MANBA: variants seen among roughly 807,000 people sequenced by gnomAD.
MANBA encodes beta-mannosidase.
In MANBA, 83 loss-of-function variants were observed where a neutral mutation model predicts 111.1. The ratio of observed to expected loss-of-function variants is 0.75; its 90% CI spans 0.63 to 0.90. The LOEUF (loss-of-function observed/expected upper bound fraction) is 0.90. Ranked by LOEUF, MANBA falls within the 40% of genes least tolerant of loss-of-function variation. The pLI is 0.00. For missense variants in MANBA, 1,036 were observed against 1,069.0 expected (o/e 0.97, Z 0.43); for synonymous variants, 370 against 378.7 (o/e 0.98, Z 0.27).
intron 5 of MANBA, among the ~76,000 whole-genome samples, chr4:102,702,389 A>C (rs976817503): frequency 6.6e-6 from 1 of 152,080 alleles, no homozygotes; most frequent in Non-Finnish European, 1.5e-5. Flanking sequence ...GCTTTGTTCC[A>C]TTACTGGTGA....
chr4:102,731,159 G>A (rs1474286828), intron 1 of MANBA, among the ~76,000 whole-genome samples: 4 of 151,274 alleles, frequency 2.6e-5, no homozygotes, highest in Non-Finnish European at 5.9e-5. Flanking sequence ...CCCTTCTGCA[G>A]AAGTAAATTG....
At chr4:102,702,694 T>C (rs1175690911) in intron 5 of MANBA, among the ~76,000 whole-genome samples, 1 of 152,164 alleles carries the variant, frequency 6.6e-6, no homozygotes, top group South Asian at 2.1e-4. Flanking sequence ...TATACATATA[T>C]ATAAGTAAAT....
intron 1 of MANBA, among the ~76,000 whole-genome samples, chr4:102,735,921 C>T (rs1229309884): frequency 2.0e-5 from 3 of 152,198 alleles, no homozygotes; most frequent in African/African-American, 7.2e-5. Flanking sequence ...AGTATGTACA[C>T]TGAGGAAAGA....
chr4:102,670,593 C>A (rs931808338), intron 9 of MANBA, among the ~76,000 whole-genome samples: 1 of 152,172 alleles, frequency 6.6e-6, no homozygotes, highest in Non-Finnish European at 1.5e-5. Context: ...CCTGTAATCT[C>A]ACCACTTTGG....
At chr4:102,751,704 T>C in intron 1 of MANBA, 1 of 542,718 alleles carries the variant, frequency 1.8e-6, no homozygotes, top group Non-Finnish European at 3.8e-6. Context: ...CCATGATGAC[T>C]GGATCCTTTC....
chr4:102,740,934 G>A (rs562579031), intron 1 of MANBA, among the ~76,000 whole-genome samples: 43 of 151,928 alleles, frequency 2.8e-4, no homozygotes, highest in Middle Eastern at 3.4e-3. Context: ...CAACAAAAAC[G>A]AAGATAAATA....
At chr4:102,679,682 G>A (rs1253151351) in intron 7 of MANBA, 1 of 152,058 alleles carries the variant, frequency 6.6e-6, no homozygotes, top group Non-Finnish European at 1.5e-5. Flanking sequence ...AAAGGGTATA[G>A]CCAGCTCTTT....
chr4:102,679,389 G>T (rs1428820786), intron 7 of MANBA, among the ~76,000 whole-genome samples: 2 of 151,998 alleles, frequency 1.3e-5, no homozygotes, highest in African/African-American at 4.8e-5. Context: ...ATAATGTCCA[G>T]AAAAGAATGT....
At chr4:102,732,427 T>G (rs964534641) in intron 1 of MANBA, among the ~76,000 whole-genome samples, 15 of 152,240 alleles carry the variant, frequency 9.9e-5, no homozygotes, top group African/African-American at 3.6e-4. Flanking sequence ...TCTGTCTAAG[T>G]TCCACACAGG....
chr4:102,662,925 G>A (rs1327371920), intron 11 of MANBA: 2 of 152,406 alleles, frequency 1.3e-5, no homozygotes, highest in Non-Finnish European at 1.5e-5. Context: ...ACTCAAGAAG[G>A]AAACAAAGGA....
intron 14 of MANBA, among the ~76,000 whole-genome samples, chr4:102,637,371 G>A (rs1206073369): frequency 6.6e-6 from 1 of 152,162 alleles, no homozygotes; most frequent in African/African-American, 2.4e-5. Flanking sequence ...TAATCCGATT[G>A]TGGGTCATAA....
rs1221809606 is a variant in MANBA at position 102,631,761 on chromosome 4, T to G, written c.*296A>C. The G allele has an allele frequency of 1.7e-6, 1 of 579,166 alleles. No individual in the cohort carries two copies. The highest frequency in any genetic ancestry group is 2.8e-5 in the East Asian group (1 of 35,916). The allele number at this position is 579,166 out of a possible 1,614,324, so 35.9% of individuals were successfully genotyped here. ...ATTCTTGTAACCAGCTGCAGGGCCA[T>G]CTTGTTATAACTGGTTCATGTCCTG... On this transcript the variant is annotated 3_prime_UTR_variant, in exon 17 of 17. Transcript: ENST00000647097.
intron 1 of MANBA, among the ~76,000 whole-genome samples, chr4:102,745,373 G>A (rs1211289032): frequency 1.3e-5 from 2 of 152,180 alleles, no homozygotes; most frequent in Admixed American, 6.5e-5. Context: ...TGGAGTGACT[G>A]TTGTTCCCAC....
rs753018782 is a variant in MANBA at position 102,674,031 on chromosome 4, T to C, written c.1000A>G (p.Lys334Glu). The change falls in exon 8 of 17, where the codon AAA becomes GAA. Residue 334 changes from lysine (K) to glutamate (E), a missense_variant. By Grantham distance (56) the Lys-to-Glu change is moderately conservative. Coordinates refer to ENST00000647097, the MANE Select transcript of MANBA (RefSeq NM_005908.4). ...RTVELIEEPI[K>E]GSPGLSFYFK... ...TAGAAACTCAAACCAGGAGACCCTT[T>C]TATAGGCTCTTCTATAAGTTCCACT... 1.2e-6 allele frequency: 2 copies of C among 1,603,454 alleles called. No individual in the cohort carries two copies. The highest frequency in any genetic ancestry group is 1.7e-6 in the Non-Finnish European group (2 of 1,170,298).
intron 1 of MANBA, among the ~76,000 whole-genome samples, chr4:102,732,738 C>G (rs1337757323): frequency 6.6e-6 from 1 of 152,184 alleles, no homozygotes; most frequent in Admixed American, 6.5e-5. Context: ...CAGGACTCGG[C>G]CTCTCCAATG....
intron 5 of MANBA, among the ~76,000 whole-genome samples, chr4:102,706,650 G>A (rs886097058): frequency 1.3e-5 from 2 of 150,844 alleles, no homozygotes; most frequent in African/African-American, 4.9e-5. Flanking sequence ...TCAAAATAAG[G>A]AAATTAAAGA....
At position 102,690,380 on chromosome 4, in the gene MANBA, A is replaced by G. The variant is rs149178944; in HGVS notation, c.849+216T>C. Reference sequence around the variant, plus strand: ...GAGAGAAAGAATTGCCAAATTAATAATATATTCTCTATTTTCTTAATCTTA... The same window carrying G: ...GAGAGAAAGAATTGCCAAATTAATAGTATATTCTCTATTTTCTTAATCTTA... On this transcript the variant is annotated intron_variant, in intron 6 of 16. Transcript: ENST00000647097. Among the ~76,000 whole-genome samples, 491 of 152,324 alleles carry G rather than the reference A, an allele frequency of 3.2e-3. 2 individuals are homozygous for G. The highest frequency in any genetic ancestry group is 6.8e-3 in the Middle Eastern group (2 of 294).
intron 1 of MANBA, among the ~76,000 whole-genome samples, chr4:102,753,123 A>C (rs1233027769): frequency 6.6e-6 from 1 of 152,156 alleles, no homozygotes; most frequent in East Asian, 1.9e-4. Flanking sequence ...AGCTATTTGC[A>C]ATAATCCTGG....
chr4:102,635,649 G>C (rs939834074), intron 15 of MANBA, among the ~76,000 whole-genome samples: 4 of 152,180 alleles, frequency 2.6e-5, no homozygotes, highest in African/African-American at 9.7e-5. Context: ...TGTAAGAAGA[G>C]AGACTGGTAT....
Sources: gnomAD v4.1 joint callset for allele counts (sites outside exome capture counted in the v4.1 genomes callset) on GRCh38, gnomAD v4.1.1 for gene constraint, MANE v1.5 for transcripts, NCBI Gene and HGNC (gene_info 2026-07-23, HGNC 2026-07-21) for gene names.